Variants in GRIA4 observed in about 807,000 individuals in gnomAD.
The protein encoded by GRIA4 is glutamate ionotropic receptor AMPA type subunit 4.
A neutral mutation model predicts 104.0 loss-of-function variants in GRIA4; 34 were observed. The ratio of observed to expected loss-of-function variants is 0.33; its 90% CI spans 0.25 to 0.44. The LOEUF is 0.44. Among genes scored for constraint, GRIA4 ranks in the 20% least tolerant of loss-of-function variants. The pLI is 1.00. For synonymous variants in GRIA4, 386 were observed against 381.9 expected (o/e 1.01, Z -0.13); for missense variants, 750 against 1,096.5 (o/e 0.68, Z 4.46).
chr11:105,655,857 A>G (rs939341184), intron 3 of GRIA4, among the ~76,000 whole-genome samples: 1 of 152,110 alleles, frequency 6.6e-6, no homozygotes, highest in Admixed American at 6.6e-5. Context: ...CAGTAATGGT[A>G]TTGCTGGGTC....
chr11:105,885,232 T>G (rs1007218118), intron 5 of GRIA4, among the ~76,000 whole-genome samples: 3 of 152,114 alleles, frequency 2.0e-5, no homozygotes, highest in Non-Finnish European at 2.9e-5. Flanking sequence ...ATAAGATGGC[T>G]CCATCCTGCT....
At chr11:105,917,895 T>G (rs1311002705) in intron 10 of GRIA4, among the ~76,000 whole-genome samples, 3 of 150,672 alleles carry the variant, frequency 2.0e-5, no homozygotes, top group Non-Finnish European at 4.4e-5. Context: ...ACTGATAAAC[T>G]TTTTCATTTT....
chr11:105,861,792 G>C (rs138815076), intron 4 of GRIA4, among the ~76,000 whole-genome samples: 25 of 152,294 alleles, frequency 1.6e-4, no homozygotes, highest in East Asian at 1.3e-3. Flanking sequence ...AAGAGATTTT[G>C]AGAGCACAAG....
intron 15 of GRIA4, among the ~76,000 whole-genome samples, chr11:105,973,182 T>C (rs1307164174): frequency 6.6e-6 from 1 of 152,168 alleles, no homozygotes; most frequent in Non-Finnish European, 1.5e-5. Flanking sequence ...ATGTTGTGAC[T>C]AAGGTGACAG....
At chr11:105,930,542 C>T (rs1229713625) in intron 13 of GRIA4, among the ~76,000 whole-genome samples, 1 of 151,900 alleles carries the variant, frequency 6.6e-6, no homozygotes, top group Non-Finnish European at 1.5e-5. Context: ...AGTAATTTTC[C>T]ACATACTAAT....
At chr11:105,659,221 T>C (rs1440827447) in intron 3 of GRIA4, among the ~76,000 whole-genome samples, 4 of 152,064 alleles carry the variant, frequency 2.6e-5, no homozygotes, top group Non-Finnish European at 4.4e-5. Flanking sequence ...CTTGTTCTTA[T>C]TGGCAGAGCA....
intron 5 of GRIA4, among the ~76,000 whole-genome samples, chr11:105,887,024 G>A (rs942581177): frequency 6.0e-5 from 9 of 151,134 alleles, no homozygotes; most frequent in African/African-American, 2.2e-4. Context: ...AATATTTTCT[G>A]GTATTAGAGA....
intron 14 of GRIA4, among the ~76,000 whole-genome samples, chr11:105,958,370 T>C (rs1235992205): frequency 6.6e-6 from 1 of 152,230 alleles, no homozygotes; most frequent in Non-Finnish European, 1.5e-5. Context: ...GTTGAGATAA[T>C]CATGTGGTTT....
At chr11:105,612,539 C>A in intron 3 of GRIA4, 105 bp downstream of exon 3, 2 of 836,162 alleles carry the variant, frequency 2.4e-6, no homozygotes, top group Non-Finnish European at 1.8e-6. Flanking sequence ...TTTCAAGATT[C>A]CCACAGTTGC....
At chr11:105,772,752 G>T (rs560962693) in intron 4 of GRIA4, among the ~76,000 whole-genome samples, 121 of 152,040 alleles carry the variant, frequency 8.0e-4, no homozygotes, top group African/African-American at 2.8e-3. Context: ...TTTGTGTAAA[G>T]AATATATACG....
intron 3 of GRIA4, among the ~76,000 whole-genome samples, chr11:105,668,700 A>C (rs1035118583): frequency 1.5e-5 from 2 of 135,384 alleles, no homozygotes; most frequent in African/African-American, 5.6e-5. Flanking sequence ...TTTGAGATAG[A>C]GTGTCGCTCT....
intron 3 of GRIA4, among the ~76,000 whole-genome samples, chr11:105,742,891 C>T (rs898272547): frequency 3.3e-5 from 5 of 152,040 alleles, no homozygotes; most frequent in African/African-American, 1.2e-4. Flanking sequence ...CGCCTGCTGC[C>T]ATATCTGGCT....
At chr11:105,933,632 C>A in intron 13 of GRIA4, 90 bp from the exon 14 acceptor site, 9 of 949,516 alleles carry the variant, frequency 9.5e-6, no homozygotes, top group Non-Finnish European at 1.2e-5. Flanking sequence ...TGGAAAGATA[C>A]TAAAACGCTT....
intron 16 of GRIA4, chr11:105,974,878 G>A (rs976784069): frequency 1.6e-5 from 3 of 189,596 alleles, no homozygotes; most frequent in African/African-American, 2.3e-5. Context: ...CATAGACTGG[G>A]CAAATCTTTT....
intron 4 of GRIA4, chr11:105,842,938 T>C (rs535920337): frequency 6.6e-5 from 10 of 152,310 alleles, no homozygotes; most frequent in African/African-American, 2.2e-4. Context: ...AAGGATTCAT[T>C]TTAATAGAAA....
At chr11:105,704,747 T>TTTAAAA in intron 3 of GRIA4, among the ~76,000 whole-genome samples, 1 of 151,870 alleles carries the variant, frequency 6.6e-6, no homozygotes, top group Non-Finnish European at 1.5e-5. Context: ...TTTTAAAACA[T>TTTAAAA]CCCCAAAAGA....
intron 5 of GRIA4, among the ~76,000 whole-genome samples, chr11:105,863,075 T>TA (rs1477690192): frequency 6.6e-6 from 1 of 152,182 alleles, no homozygotes; most frequent in Admixed American, 6.5e-5. Context: ...ACATATAGCT[T>TA]AACTGCATAA....
chr11:105,959,202 T>C (rs1427925274), intron 14 of GRIA4, among the ~76,000 whole-genome samples: 1 of 152,202 alleles, frequency 6.6e-6, no homozygotes, highest in African/African-American at 2.4e-5. Context: ...TCCTGAAATG[T>C]GTATTCCAGC....
At chr11:105,852,526 T>C (rs1438778748) in intron 4 of GRIA4, among the ~76,000 whole-genome samples, 1 of 152,138 alleles carries the variant, frequency 6.6e-6, no homozygotes, top group Non-Finnish European at 1.5e-5. Flanking sequence ...CCGTTAAAAG[T>C]AACAGAGGCT....
Sources: gnomAD v4.1 joint callset for allele counts (sites outside exome capture counted in the v4.1 genomes callset) on GRCh38, gnomAD v4.1.1 for gene constraint, MANE v1.5 for transcripts, NCBI Gene and HGNC (gene_info 2026-07-23, HGNC 2026-07-21) for gene names.